The following MYH16 variants were observed in gnomAD, a reference collection of about 807,000 sequenced individuals.
The protein encoded by MYH16 is myosin heavy chain 16.
chr7:99,291,565 G>A (rs1792376491), intron 31 of MYH16, 115 bp downstream of exon 12: 6 of 367,848 alleles, frequency 1.6e-5, no homozygotes, highest in South Asian at 1.2e-4. Context: ...GGCCTAGGTG[G>A]GAGGTTCGCT....
downstream of MYH16, among the ~76,000 whole-genome samples, chr7:99,309,795 C>T (rs553174051): frequency 4.9e-4 from 75 of 152,354 alleles, no homozygotes; most frequent in Non-Finnish European, 6.6e-4. Flanking sequence ...ATCCTGCCAC[C>T]GGCACCCAGA....
chr7:99,276,510 G>A (rs539074596), intron 20 of MYH16, among the ~76,000 whole-genome samples: 3 of 152,388 alleles, frequency 2.0e-5, no homozygotes, highest in East Asian at 1.9e-4. Context: ...TGGTAGGACC[G>A]GACGGAGCCT....
intron 32 of MYH16, among the ~76,000 whole-genome samples, chr7:99,292,915 G>A (rs531055881): frequency 1.3e-5 from 2 of 151,584 alleles, no homozygotes; most frequent in East Asian, 1.9e-4. Context: ...AGCAATGATC[G>A]AGCCACTGCA....
intron 14 of MYH16, among the ~76,000 whole-genome samples, chr7:99,264,082 T>C (rs1482434759): frequency 6.6e-6 from 1 of 152,208 alleles, no homozygotes; most frequent in African/African-American, 2.4e-5. Flanking sequence ...GCCCGTTTGA[T>C]CACTCCCCGG....
chr7:99,269,172 C>T (rs1792019989), intron 18 of MYH16, among the ~76,000 whole-genome samples: 1 of 152,172 alleles, frequency 6.6e-6, no homozygotes, highest in South Asian at 2.1e-4. Context: ...CCTGTGAACC[C>T]ACTGAAAAGC....
chr7:99,278,370 TG>T (rs1792148056), intron 21 of MYH16, among the ~76,000 whole-genome samples: 1 of 152,164 alleles, frequency 6.6e-6, no homozygotes. Context: ...GAGTCAGGGC[TG>T]GGCTCTGCCA....
intron 37 of MYH16, among the ~76,000 whole-genome samples, chr7:99,300,072 G>A (rs1372673662): frequency 6.6e-6 from 1 of 151,666 alleles, no homozygotes; most frequent in Non-Finnish European, 1.5e-5. Flanking sequence ...CAATTCTCCT[G>A]CCTCAGCCTC....
intron 29 of MYH16, among the ~76,000 whole-genome samples, chr7:99,288,450 A>C (rs1584354082): frequency 1.3e-5 from 2 of 150,788 alleles, no homozygotes; most frequent in East Asian, 3.9e-4. Flanking sequence ...AAATAAAATA[A>C]AATAAAATAA....
At chr7:99,246,961 C>T (rs561346581) in intron 2 of MYH16, among the ~76,000 whole-genome samples, 1 of 152,184 alleles carries the variant, frequency 6.6e-6, no homozygotes, top group South Asian at 2.1e-4. Context: ...TCAAACCCAT[C>T]GTATGTTGAA....
chr7:99,292,532 A>G (rs764573744), intron 32 of MYH16, 24 bp downstream of exon 13: 2 of 455,038 alleles, frequency 4.4e-6, no homozygotes, highest in Admixed American at 2.3e-5. Context: ...TCCTGTTGAG[A>G]GAGCCAGGTG....
At chr7:99,299,981 T>C (rs1483477516) in intron 37 of MYH16, among the ~76,000 whole-genome samples, 1 of 150,906 alleles carries the variant, frequency 6.6e-6, no homozygotes, top group Non-Finnish European at 1.5e-5. Flanking sequence ...ATTTATTTGA[T>C]GGAGTTTTGC....
exon 31 of MYH16, chr7:99,291,445 T>A (rs1792374384): frequency 4.4e-6 from 2 of 456,092 alleles, no homozygotes; most frequent in Non-Finnish European, 8.8e-6. Context: ...GGATGAAGAG[T>A]CAAAGGTTTG....
intron 11 of MYH16, chr7:99,260,055 G>C (rs952156336): frequency 2.3e-6 from 2 of 856,084 alleles, no homozygotes; most frequent in Admixed American, 4.5e-5. Flanking sequence ...CCTGACACTA[G>C]TGGGCCCTCT....
intron 18 of MYH16, among the ~76,000 whole-genome samples, chr7:99,270,382 C>T (rs1468543369): frequency 1.4e-5 from 2 of 147,838 alleles, no homozygotes; most frequent in African/African-American, 5.0e-5. Flanking sequence ...AGTGCAGTGG[C>T]GTGATCTCGG....
chr7:99,302,268 C>T lies in MYH16; in HGVS notation n.5137+464C>T, dbSNP rs146500431. ...GCAGTGAGCCAAGATCATGCCACTG[C>T]ACTCCAGCCTGGGTGACAGAGTGAC... On this transcript the variant is annotated intron_variant and non_coding_transcript_variant, in intron 38 of 41. Transcript: ENST00000439784. Among the ~76,000 whole-genome samples the T allele has an allele frequency of 9.3e-3, 1,389 of 149,022 alleles. 10 individuals carry two copies. Among genetic ancestry groups the T allele is most frequent in the Non-Finnish European group, 0.014 (953 of 67,548 alleles).
At chr7:99,253,053 C>T (rs1321942424) in intron 7 of MYH16, 1 of 152,136 alleles carries the variant, frequency 6.6e-6, no homozygotes, top group African/African-American at 2.4e-5. Flanking sequence ...GTCGCTTGAG[C>T]CTAGGAGTTC....
At chr7:99,263,477 G>A (rs1035064862) in intron 14 of MYH16, 3 of 152,750 alleles carry the variant, frequency 2.0e-5, no homozygotes, top group African/African-American at 7.2e-5. Flanking sequence ...CTGACCCCTT[G>A]TTGTGTCCAG....
chr7:99,256,866 A>G (rs1425516924), intron 9 of MYH16, among the ~76,000 whole-genome samples: 1 of 152,060 alleles, frequency 6.6e-6, no homozygotes, highest in African/African-American at 2.4e-5. Flanking sequence ...TGGGAGGATC[A>G]CTTGAGCCCA....
intron 22 of MYH16, 112 bp downstream of exon 4, chr7:99,279,849 A>G (rs1191669404): frequency 8.3e-6 from 3 of 361,024 alleles, no homozygotes; most frequent in Non-Finnish European, 1.6e-5. Flanking sequence ...CACATGGGGC[A>G]GTTTTTTGGG....
Sources: gnomAD v4.1 joint callset for allele counts (sites outside exome capture counted in the v4.1 genomes callset) on GRCh38, gnomAD v4.1.1 for gene constraint, MANE v1.5 for transcripts, NCBI Gene and HGNC (gene_info 2026-07-23, HGNC 2026-07-21) for gene names.